Variants in NUP153 observed in about 807,000 individuals in gnomAD.
NUP153 encodes the protein nucleoporin 153.
In NUP153, 27 loss-of-function variants were observed where a neutral mutation model predicts 134.6. That is an observed-to-expected ratio of 0.20 (90% CI 0.15 to 0.28). The LOEUF (loss-of-function observed/expected upper bound fraction) is 0.28. Among genes scored for constraint, NUP153 ranks in the 10% least tolerant of loss-of-function variants. The probability of loss-of-function intolerance (pLI) is 1.00; values close to 1 mark genes in which losing one functional copy is unlikely to be tolerated. For missense variants in NUP153, 1,821 were observed against 1,731.3 expected, an observed-to-expected ratio of 1.05 and a Z score of -0.92; for synonymous variants, 640 against 623.5, an observed-to-expected ratio of 1.03 and a Z score of -0.40.
At chr6:17,649,814 T>C (rs1183705960) in intron 11 of NUP153, among the ~76,000 whole-genome samples, 1 of 152,226 alleles carries the variant, frequency 6.6e-6, no homozygotes, top group Non-Finnish European at 1.5e-5. Context: ...TCATCATAGA[T>C]ATGTATGTAT....
Position 17,706,656 on chromosome 6 carries a change from G to A in NUP153, c.-269C>T, listed in dbSNP as rs1770524030. 2 of 539,394 alleles carry A rather than the reference G, an allele frequency of 3.7e-6. No homozygotes were observed. The highest frequency in any genetic ancestry group is 4.1e-5 in the South Asian group (2 of 48,246). The allele number at this position is 539,394 out of a possible 1,614,324, so 33.4% of individuals were successfully genotyped here. ...CCTCTGCGGACCCCCGCCTCTGTGT[G>A]TGTCACGGTCTCTATGGAGATCTCC... On this transcript the variant is annotated 5_prime_UTR_variant, in exon 1 of 22. Coordinates refer to ENST00000262077, the MANE Select transcript of NUP153 (RefSeq NM_005124.4). The surrounding 1 kb of genome is among the most constrained non-coding windows in gnomAD (Gnocchi z 5.9).
chr6:17,703,738 A>G (rs1056517623), intron 1 of NUP153, among the ~76,000 whole-genome samples: 1 of 152,124 alleles, frequency 6.6e-6, no homozygotes, highest in Non-Finnish European at 1.5e-5. Context: ...AATATTAAAT[A>G]GCACCTACAG....
At chr6:17,668,711 C>T (rs948287853) in intron 8 of NUP153, among the ~76,000 whole-genome samples, 1 of 151,836 alleles carries the variant, frequency 6.6e-6, no homozygotes, top group African/African-American at 2.4e-5. Flanking sequence ...GGCATGATGG[C>T]ACGTGCCTGT....
At chr6:17,693,289 T>A (rs564466561) in intron 1 of NUP153, among the ~76,000 whole-genome samples, 1 of 152,028 alleles carries the variant, frequency 6.6e-6, no homozygotes, top group African/African-American at 2.4e-5. Context: ...TGATAGGCTG[T>A]TTCTATGGAC....
chr6:17,621,270 A>C (rs765949091), intron 20 of NUP153, among the ~76,000 whole-genome samples: 5 of 152,234 alleles, frequency 3.3e-5, no homozygotes, highest in Non-Finnish European at 5.9e-5. Context: ...GTAAATTAGT[A>C]TAACCGTTAT....
At chr6:17,634,109 C>A (rs978994835) in intron 16 of NUP153, among the ~76,000 whole-genome samples, 2 of 151,992 alleles carry the variant, frequency 1.3e-5, no homozygotes, top group South Asian at 4.1e-4. Context: ...TTCATGAACC[C>A]CCCCCATTAC....
chr6:17,647,814 G>A lies in NUP153; in HGVS notation c.1625C>T (p.Pro542Leu). The change falls in exon 13 of 22, where the codon CCA becomes CTA. Residue 542 changes from proline (P) to leucine (L), a missense_variant. Transcript: ENST00000262077. ...TCCTTGCTTGTTACTTACAGATGAT[G>A]GAGGTAGTACATTTGCCTCAGTAGA... ...VKSTEANVLP[P>L]SSIGFTFSVP... 2 of 1,570,926 alleles carry A rather than the reference G, an allele frequency of 1.3e-6. No homozygotes were observed. The highest frequency in any genetic ancestry group is 1.8e-6 in the Non-Finnish European group (2 of 1,141,014).
chr6:17,702,262 C>T (rs1451592626), intron 1 of NUP153, among the ~76,000 whole-genome samples: 3 of 152,086 alleles, frequency 2.0e-5, no homozygotes, highest in Non-Finnish European at 4.4e-5. Context: ...AATACCAGCA[C>T]TTTGGGAGGC....
intron 5 of NUP153, among the ~76,000 whole-genome samples, chr6:17,674,403 A>C (rs1431296989): frequency 6.6e-6 from 1 of 152,214 alleles, no homozygotes; most frequent in Non-Finnish European, 1.5e-5. Flanking sequence ...CTTAGGTCTA[A>C]AATAATGTTT....
chr6:17,663,232 T>TGC (rs1294736394), intron 9 of NUP153, among the ~76,000 whole-genome samples: 6,296 of 144,046 alleles, frequency 0.044, 200 homozygotes, highest in Non-Finnish European at 0.068. Context: ...AAGAAAAAAA[T>TGC]ACACACACAC....
rs1253747112 is a variant in NUP153 at position 17,640,220 on chromosome 6, T to C, written c.1721-156A>G. The stretch of plus-strand genomic sequence containing the variant: ...CAATAAACAAATGACTTTACAGGGA[T>C]AATTTGCCATTACAAGGAGATAAAA... On this transcript the variant is annotated intron_variant, in intron 14 of 21. Transcript: ENST00000262077. 2.0e-5 allele frequency among the ~76,000 whole-genome samples: 3 copies of C among 152,198 alleles called. 1 individual carries two copies. The highest frequency in any genetic ancestry group is 2.0e-4 in the Admixed American group (3 of 15,278).
chr6:17,667,130 T>C (rs1767584081), intron 8 of NUP153, among the ~76,000 whole-genome samples: 1 of 152,176 alleles, frequency 6.6e-6, no homozygotes, highest in African/African-American at 2.4e-5. Context: ...TCACCTCTTA[T>C]TATAAAATAA....
rs1322779049 is a variant in NUP153, at chr6:17,688,401, G to A, written c.329C>T (p.Thr110Ile). ...AATATTCACATTTTACTTACCTTCT[G>A]TATTACTGACTGCTGGCTCAGGTGT... ...RITPEPAVSN[T>I]EEPSTTSTAS... The change falls in exon 2 of 22, where the codon ACA (threonine) becomes ATA (isoleucine). Residue 110 changes from threonine (T) to isoleucine (I), a missense_variant. By Grantham distance (89) the Thr-to-Ile change is moderately conservative. Transcript: ENST00000262077. 1.9e-6 allele frequency: 3 copies of A among 1,611,334 alleles called. No individual in the cohort carries two copies. Among genetic ancestry groups the A allele is most frequent in the East Asian group, 2.2e-5 (1 of 44,856 alleles).
Position 17,664,150 on chromosome 6 carries a change from T to C in NUP153, c.1215+1089A>G, listed in dbSNP as rs534384830. Among the ~76,000 whole-genome samples the C allele has an allele frequency of 1.2e-4, 19 of 152,282 alleles. 3 individuals are homozygous for C. In the South Asian group the frequency reaches 3.3e-3, roughly 27 times the overall value. On this transcript the variant is annotated intron_variant, in intron 9 of 21. Transcript: ENST00000262077. ...AGGGAAAAAATGAAGTACTGATACA[T>C]ACTACGACGTGAATGAACCTTGAAA...
chr6:17,618,011 G>A (rs79354825), intron 20 of NUP153, among the ~76,000 whole-genome samples: 5,915 of 152,124 alleles, frequency 0.039, 361 homozygotes, highest in East Asian at 0.29. Context: ...AGTGTAGCTC[G>A]ATATTCACAA....
At chr6:17,679,875 G>A (rs527864868) in intron 2 of NUP153, among the ~76,000 whole-genome samples, 85 of 152,194 alleles carry the variant, frequency 5.6e-4, no homozygotes, top group African/African-American at 2.0e-3. Context: ...ATCAAACCAA[G>A]GTTGCAGAGA....
At chr6:17,671,438 C>G (rs1292052444) in intron 5 of NUP153, among the ~76,000 whole-genome samples, 1 of 152,122 alleles carries the variant, frequency 6.6e-6, no homozygotes, top group Non-Finnish European at 1.5e-5. Flanking sequence ...GAGCCTGAAG[C>G]TTCTTTGCTG....
chr6:17,669,168 T>A, intron 7 of NUP153, 125 bp downstream of exon 7: 2 of 1,040,712 alleles, frequency 1.9e-6, no homozygotes, highest in South Asian at 3.1e-5. Flanking sequence ...AACCTCTGCC[T>A]CCCAAGTTCA....
At chr6:17,705,585 T>TGGGGGG (rs200771105) in intron 1 of NUP153, among the ~76,000 whole-genome samples, 1 of 39,766 alleles carries the variant, frequency 2.5e-5, no homozygotes, top group Non-Finnish European at 5.1e-5. Context: ...GTGGCGGTGT[T>TGGGGGG]GGGGGGGGGG....
Sources: gnomAD v4.1 joint callset for allele counts (sites outside exome capture counted in the v4.1 genomes callset) on GRCh38, gnomAD v4.1.1 for gene constraint, Gnocchi (gnomAD v3.1) non-coding constraint, MANE v1.5 for transcripts, NCBI Gene and HGNC (gene_info 2026-07-23, HGNC 2026-07-21) for gene names.